NKAIN3: variants seen among roughly 807,000 people sequenced by gnomAD.
NKAIN3 encodes sodium/potassium transporting ATPase interacting 3, also known as sodium/potassium-transporting ATPase subunit beta-1-interacting protein 3.
NKAIN3 carries 25 observed loss-of-function variants against 30.2 expected under a neutral mutation model. The observed-to-expected ratio is 0.83, with a 90% CI of 0.60 to 1.16. NKAIN3 has a LOEUF of 1.16. Ranked by LOEUF, NKAIN3 falls within the 50% of genes most tolerant of loss-of-function variation. The pLI is 0.00. For synonymous variants in NKAIN3, 91 were observed against 89.6 expected, an observed-to-expected ratio of 1.02 and a Z score of -0.09; for missense variants, 225 against 254.1, an observed-to-expected ratio of 0.89 and a Z score of 0.78.
At chr8:62,991,551 A>G (rs1185105075) in intron 5 of NKAIN3, among the ~76,000 whole-genome samples, 2 of 152,236 alleles carry the variant, frequency 1.3e-5, no homozygotes, top group Admixed American at 6.5e-5. Flanking sequence ...GACATTAGTC[A>G]ATATGTCGGA....
At chr8:62,766,681 G>A (rs964932843) in intron 4 of NKAIN3, among the ~76,000 whole-genome samples, 1 of 152,190 alleles carries the variant, frequency 6.6e-6, no homozygotes, top group Non-Finnish European at 1.5e-5. Flanking sequence ...TATCCACTAT[G>A]AGTGACAGGG....
chr8:62,358,111 A>G (rs2129592269), intron 1 of NKAIN3, among the ~76,000 whole-genome samples: 1 of 152,266 alleles, frequency 6.6e-6, no homozygotes, highest in East Asian at 1.9e-4. Flanking sequence ...TAATTTATCA[A>G]ACCTAGGTAG....
chr8:62,960,021 A>G (rs1377006720), intron 6 of NKAIN3, among the ~76,000 whole-genome samples: 1 of 152,212 alleles, frequency 6.6e-6, no homozygotes, highest in Non-Finnish European at 1.5e-5. Flanking sequence ...TTTTTGATGC[A>G]TCATAAGAAT....
At chr8:62,496,748 A>C (rs1031692640) in intron 1 of NKAIN3, among the ~76,000 whole-genome samples, 1 of 152,198 alleles carries the variant, frequency 6.6e-6, no homozygotes. Context: ...AAATGGAGCT[A>C]AAACGTGTTG....
At chr8:62,685,232 G>A (rs149240294) in intron 3 of NKAIN3, among the ~76,000 whole-genome samples, 1 of 152,170 alleles carries the variant, frequency 6.6e-6, no homozygotes, top group African/African-American at 2.4e-5. Flanking sequence ...ACTTACCAGA[G>A]CTCAAGGGAT....
intron 5 of NKAIN3, among the ~76,000 whole-genome samples, chr8:62,934,234 A>G (rs1347822466): frequency 2.0e-5 from 3 of 151,332 alleles, no homozygotes; most frequent in Admixed American, 1.3e-4. Context: ...AAAAGGAAAG[A>G]AAGAAAAGTA....
intron 4 of NKAIN3, among the ~76,000 whole-genome samples, chr8:62,876,109 A>C (rs1820786988): frequency 6.6e-6 from 1 of 152,220 alleles, no homozygotes; most frequent in Non-Finnish European, 1.5e-5. Flanking sequence ...AGAATTTACA[A>C]GGAATTTAAA....
intron 4 of NKAIN3, among the ~76,000 whole-genome samples, chr8:62,792,498 G>A (rs1817729490): frequency 6.6e-6 from 1 of 152,270 alleles, no homozygotes; most frequent in Non-Finnish European, 1.5e-5. Flanking sequence ...AATTCAAGCA[G>A]CATGTTCAAC....
chr8:62,430,096 C>T (rs2129597406), intron 1 of NKAIN3, among the ~76,000 whole-genome samples: 1 of 151,890 alleles, frequency 6.6e-6, no homozygotes, highest in East Asian at 1.9e-4. Context: ...GTGAATCATA[C>T]AGTATTTGCC....
intron 4 of NKAIN3, among the ~76,000 whole-genome samples, chr8:62,814,189 A>G (rs1818589395): frequency 6.6e-6 from 1 of 151,984 alleles, no homozygotes; most frequent in Admixed American, 6.6e-5. Context: ...ACCTCTCCCA[A>G]GACTTGGGGA....
At chr8:62,390,188 C>T (rs1170954871) in intron 1 of NKAIN3, among the ~76,000 whole-genome samples, 1 of 152,066 alleles carries the variant, frequency 6.6e-6, no homozygotes, top group Non-Finnish European at 1.5e-5. Context: ...TGATCCCTTC[C>T]TTTATCCCAC....
chr8:62,883,457 G>GTTGTTGTTGTTTTTTTTT lies in NKAIN3; in HGVS notation c.472-34994_472-34993insGTTGTTGTTTTTTTTTTT. ...TTTATTATTTCCAGGAGTTTTATGG[G>GTTGTTGTTGTTTTTTTTT]TTTTTTTTTTTTTTTTCAGATTTTC... On this transcript the variant is annotated intron_variant, in intron 4 of 6. Transcript: ENST00000623646. Among the ~76,000 whole-genome samples, 79 of 70,220 alleles carry GTTGTTGTTGTTTTTTTTT rather than the reference G, an allele frequency of 1.1e-3. 1 individual carries two copies. The highest frequency in any genetic ancestry group is 0.022 in the Middle Eastern group (2 of 92). The allele number at this position is 70,220 out of a possible 152,430, so 46.1% of individuals were successfully genotyped here. A position where few individuals can be genotyped will look rare whatever the true frequency, so the allele number is the denominator to read the frequency against.
chr8:62,493,697 A>T (rs1807146601), intron 1 of NKAIN3, among the ~76,000 whole-genome samples: 1 of 151,920 alleles, frequency 6.6e-6, no homozygotes, highest in Non-Finnish European at 1.5e-5. Context: ...TCCATCTCTG[A>T]GTTCTTTGAT....
intron 4 of NKAIN3, among the ~76,000 whole-genome samples, chr8:62,804,000 A>G (rs1005467785): frequency 5.9e-5 from 9 of 152,324 alleles, no homozygotes; most frequent in Middle Eastern, 6.8e-3. Flanking sequence ...ACACAAATAA[A>G]CTAGAAAATC....
intron 3 of NKAIN3, among the ~76,000 whole-genome samples, chr8:62,595,406 T>C (rs1810796016): frequency 1.1e-5 from 1 of 91,520 alleles, no homozygotes; most frequent in Non-Finnish European, 2.6e-5. Context: ...TTTTTTGCAG[T>C]TGCAAGATTT....
chr8:62,259,578 A>G (rs1000881814), intron 1 of NKAIN3, among the ~76,000 whole-genome samples: 3 of 152,196 alleles, frequency 2.0e-5, no homozygotes, highest in African/African-American at 2.4e-5. Context: ...AGCACAAACT[A>G]TCTAATTTAC....
chr8:62,415,888 G>T (rs1804430089), intron 1 of NKAIN3, among the ~76,000 whole-genome samples: 1 of 151,946 alleles, frequency 6.6e-6, no homozygotes, highest in Non-Finnish European at 1.5e-5. Context: ...CTCCCGAGTA[G>T]CTGGGACTAC....
chr8:62,758,524 T>C (rs1294177883), intron 4 of NKAIN3, among the ~76,000 whole-genome samples: 2 of 152,160 alleles, frequency 1.3e-5, no homozygotes, highest in East Asian at 3.8e-4. Flanking sequence ...TAATTAAAAG[T>C]ATAACTGCAT....
chr8:62,781,892 T>G (rs569430206), intron 4 of NKAIN3, among the ~76,000 whole-genome samples: 57 of 152,048 alleles, frequency 3.7e-4, no homozygotes, highest in African/African-American at 1.3e-3. Context: ...AGGCAAAAAT[T>G]TTATGGCTAT....
Sources: allele counts gnomAD v4.1 joint callset (sites outside exome capture counted in the v4.1 genomes callset), GRCh38; gene constraint gnomAD v4.1.1; transcripts MANE v1.5; gene names NCBI Gene and HGNC (gene_info 2026-07-23, HGNC 2026-07-21).